ATP8A2: variants seen among roughly 807,000 people sequenced by gnomAD.
ATP8A2 encodes the protein phospholipid-transporting ATPase IB.
A neutral mutation model predicts 165.6 loss-of-function variants in ATP8A2; 100 were observed. The ratio of observed to expected loss-of-function variants is 0.60; its 90% CI spans 0.51 to 0.71. The LOEUF is 0.71. Among genes scored for constraint, ATP8A2 ranks in the 30% least tolerant of loss-of-function variants. The pLI is 0.00. For synonymous variants in ATP8A2, 543 were observed against 548.8 expected (o/e 0.99, Z 0.15); for missense variants, 1,227 against 1,479.5 (o/e 0.83, Z 2.80).
At chr13:25,797,017 C>G (rs980280219) in intron 27 of ATP8A2, among the ~76,000 whole-genome samples, 3 of 152,094 alleles carry the variant, frequency 2.0e-5, no homozygotes, top group African/African-American at 7.2e-5. Flanking sequence ...CCTATAATCC[C>G]AACACTTTGG....
At chr13:25,577,230 ATTGT>A (rs1280459525) in intron 20 of ATP8A2, 92 bp downstream of exon 20, 4 of 1,102,416 alleles carry the variant, frequency 3.6e-6, no homozygotes, top group East Asian at 2.4e-5. Flanking sequence ...TCATTCCCTG[ATTGT>A]TTGTCCAGAG....
rs141263137 is a variant in ATP8A2, at chr13:25,820,335, C to G, written c.2680-7783C>G. Among the ~76,000 whole-genome samples, 620 of 152,318 alleles carry G rather than the reference C, an allele frequency of 4.1e-3. 4 individuals are homozygous for G. Among genetic ancestry groups the G allele is most frequent in the African/African-American group, 0.014 (577 of 41,572 alleles). On this transcript the variant is annotated intron_variant, in intron 27 of 36. Coordinates refer to ENST00000381655, the MANE Select transcript of ATP8A2 (RefSeq NM_016529.6). ...CCAAAAACCCCAGGAGCTTGGCAAG[C>G]CAGCAGTGCTTGGCAAGTCTTCCTA... is the stretch of plus-strand genomic sequence containing the variant.
intron 24 of ATP8A2, among the ~76,000 whole-genome samples, chr13:25,696,308 T>C (rs2042833313): frequency 6.6e-6 from 1 of 152,240 alleles, no homozygotes; most frequent in Admixed American, 6.5e-5. Context: ...TAAATGAGCA[T>C]TGGCTTCAAC....
chr13:25,650,690 G>C (rs1001851472), intron 24 of ATP8A2, among the ~76,000 whole-genome samples: 2 of 152,040 alleles, frequency 1.3e-5, no homozygotes, highest in African/African-American at 4.8e-5. Flanking sequence ...CTGTTTATCA[G>C]GTTATTATGA....
intron 27 of ATP8A2, among the ~76,000 whole-genome samples, chr13:25,800,431 T>G (rs765055978): frequency 9.9e-5 from 15 of 152,188 alleles, no homozygotes; most frequent in Non-Finnish European, 1.8e-4. Context: ...CGCCAGACAT[T>G]ATTGCACAGT....
At chr13:25,586,954 T>G (rs2039938339) in intron 23 of ATP8A2, among the ~76,000 whole-genome samples, 1 of 152,336 alleles carries the variant, frequency 6.6e-6, no homozygotes, top group East Asian at 1.9e-4. Flanking sequence ...GAATGTTGAT[T>G]ATACTCAGGT....
chr13:25,603,184 C>T (rs944852042), intron 24 of ATP8A2, among the ~76,000 whole-genome samples: 4 of 151,954 alleles, frequency 2.6e-5, no homozygotes, highest in African/African-American at 4.8e-5. Context: ...GTAATGAATA[C>T]TCTACCATTA....
intron 27 of ATP8A2, among the ~76,000 whole-genome samples, chr13:25,825,506 C>A (rs749908037): frequency 6.6e-6 from 1 of 151,896 alleles, no homozygotes; most frequent in Non-Finnish European, 1.5e-5. Flanking sequence ...GATAACAAGA[C>A]AACATGTTAA....
chr13:25,405,930 A>G (rs1211493115), intron 1 of ATP8A2, among the ~76,000 whole-genome samples: 3 of 152,100 alleles, frequency 2.0e-5, no homozygotes, highest in Non-Finnish European at 2.9e-5. Flanking sequence ...TCTTCTCTCA[A>G]CCTAGCTTCT....
intron 25 of ATP8A2, among the ~76,000 whole-genome samples, chr13:25,741,018 A>G (rs944487512): frequency 6.6e-6 from 1 of 152,252 alleles, no homozygotes; most frequent in African/African-American, 2.4e-5. Flanking sequence ...TATTATAGAT[A>G]AAGCTATGTG....
At chr13:25,634,974 C>T (rs1330979918) in intron 24 of ATP8A2, among the ~76,000 whole-genome samples, 1 of 152,006 alleles carries the variant, frequency 6.6e-6, no homozygotes, top group Non-Finnish European at 1.5e-5. Context: ...TGCAAAATAT[C>T]TCCTGAAATT....
At chr13:25,971,045 C>T (rs894983876) in intron 35 of ATP8A2, among the ~76,000 whole-genome samples, 31 of 152,010 alleles carry the variant, frequency 2.0e-4, no homozygotes, top group African/African-American at 7.0e-4. Flanking sequence ...CACACATGCA[C>T]GGGTGGGCCT....
intron 1 of ATP8A2, among the ~76,000 whole-genome samples, chr13:25,383,602 T>C (rs1416786798): frequency 6.6e-6 from 1 of 152,238 alleles, no homozygotes; most frequent in Non-Finnish European, 1.5e-5. Flanking sequence ...CAATATGTTC[T>C]TTCATGAATT....
At chr13:25,428,100 C>T (rs1213945657) in intron 1 of ATP8A2, among the ~76,000 whole-genome samples, 1 of 151,916 alleles carries the variant, frequency 6.6e-6, no homozygotes, top group Non-Finnish European at 1.5e-5. Flanking sequence ...GGAAGGATCG[C>T]TTGAACCTGG....
Position 25,564,073 on chromosome 13 carries a change from G to A in ATP8A2, c.1473+42G>A, listed in dbSNP as rs369299305. On this transcript the variant is annotated intron_variant, in intron 16 of 36. Coordinates refer to ENST00000381655, the MANE Select transcript of ATP8A2 (RefSeq NM_016529.6). The stretch of plus-strand genomic sequence containing the variant: ...ACTTCGAAGACAGCAAACAGCTTAC[G>A]GTGCAACTTTCTTTTATATATGCAT... The A allele has an allele frequency of 1.8e-5, 25 of 1,423,446 alleles. No individual in the cohort carries two copies. In the African/African-American group the frequency reaches 2.1e-4, roughly 12 times the overall value. The allele number at this position is 1,423,446 out of a possible 1,614,324, so 88.2% of individuals were successfully genotyped here. A position where few individuals can be genotyped will look rare whatever the true frequency, so the allele number is the denominator to read the frequency against.
At chr13:25,663,135 C>T (rs2042085397) in intron 24 of ATP8A2, among the ~76,000 whole-genome samples, 1 of 152,170 alleles carries the variant, frequency 6.6e-6, no homozygotes, top group East Asian at 1.9e-4. Context: ...ACTATCTTGG[C>T]CCAGATCACA....
intron 35 of ATP8A2, among the ~76,000 whole-genome samples, chr13:25,989,107 C>T (rs1956331597): frequency 6.6e-6 from 1 of 152,218 alleles, no homozygotes; most frequent in African/African-American, 2.4e-5. Flanking sequence ...TGAAGCTCAT[C>T]TTTCTTTAAT....
chr13:25,988,340 A>G (rs1396519412), intron 35 of ATP8A2, among the ~76,000 whole-genome samples: 4 of 152,358 alleles, frequency 2.6e-5, no homozygotes, highest in Non-Finnish European at 5.9e-5. Flanking sequence ...TCTGGTAATG[A>G]GGATGGCAGC....
chr13:25,606,836 T>A (rs535359610), intron 24 of ATP8A2, among the ~76,000 whole-genome samples: 14 of 152,318 alleles, frequency 9.2e-5, no homozygotes, highest in Admixed American at 2.6e-4. Context: ...TGAGGAACTA[T>A]CAATTTTAAG....
Sources: gnomAD v4.1 joint callset for allele counts (sites outside exome capture counted in the v4.1 genomes callset) on GRCh38, gnomAD v4.1.1 for gene constraint, MANE v1.5 for transcripts, NCBI Gene and HGNC (gene_info 2026-07-23, HGNC 2026-07-21) for gene names.